Variants in NRCAM observed in about 807,000 individuals in gnomAD.
NRCAM encodes the protein neuronal cell adhesion molecule, also known as NgCAM-related cell adhesion molecule.
NRCAM carries 83 observed loss-of-function variants against 156.5 expected under a neutral mutation model. The ratio of observed to expected loss-of-function variants is 0.53; its 90% CI spans 0.44 to 0.64. The LOEUF is 0.64. Among genes scored for constraint, NRCAM ranks in the 30% least tolerant of loss-of-function variants. The probability of loss-of-function intolerance (pLI) is 0.00; values close to 1 mark genes in which losing one functional copy is unlikely to be tolerated. For missense variants in NRCAM, 1,417 were observed against 1,597.3 expected (o/e 0.89, Z 1.92); for synonymous variants, 538 against 563.9 (o/e 0.95, Z 0.65).
At chr7:108,443,919 CATACATACATAG>C (rs1563835732) in intron 1 of NRCAM, among the ~76,000 whole-genome samples, 1 of 122,908 alleles carries the variant, frequency 8.1e-6, no homozygotes. Flanking sequence ...TACATACATA[CATACATACATAG>C]ATACAGGTGT....
chr7:108,178,214 CA>C, intron 25 of NRCAM, 102 bp from the exon 26 acceptor site: 1 of 1,204,116 alleles, frequency 8.3e-7, no homozygotes, highest in Non-Finnish European at 1.2e-6. Flanking sequence ...TTTTGAGTTT[CA>C]GTAACTCATT....
At chr7:108,441,233 T>A (rs984753583) in intron 1 of NRCAM, among the ~76,000 whole-genome samples, 4 of 152,202 alleles carry the variant, frequency 2.6e-5, no homozygotes, top group Admixed American at 1.3e-4. Flanking sequence ...AAAAGTTATC[T>A]TACTATGTAA....
intron 1 of NRCAM, among the ~76,000 whole-genome samples, chr7:108,406,772 C>T (rs186367265): frequency 3.6e-4 from 55 of 152,288 alleles, no homozygotes; most frequent in African/African-American, 1.2e-3. Flanking sequence ...AGCAACTGAA[C>T]TTGTTCCAAC....
At chr7:108,193,674 T>C (rs1587593391) in intron 17 of NRCAM, among the ~76,000 whole-genome samples, 1 of 152,232 alleles carries the variant, frequency 6.6e-6, no homozygotes, top group Non-Finnish European at 1.5e-5. Context: ...AAAGAGGTCA[T>C]ATTTCTGCTT....
At chr7:108,399,951 G>A (rs1053034109) in intron 1 of NRCAM, among the ~76,000 whole-genome samples, 4 of 152,280 alleles carry the variant, frequency 2.6e-5, no homozygotes, top group African/African-American at 7.2e-5. Flanking sequence ...GGAATACACC[G>A]TGCTCTATAA....
intron 2 of NRCAM, among the ~76,000 whole-genome samples, chr7:108,397,232 G>C (rs2099779273): frequency 6.6e-6 from 1 of 152,182 alleles, no homozygotes; most frequent in Non-Finnish European, 1.5e-5. Flanking sequence ...GTATGAAAAA[G>C]TGACAGATTC....
chr7:108,172,983 A>AT (rs143144704), intron 28 of NRCAM, among the ~76,000 whole-genome samples: 155 of 118,764 alleles, frequency 1.3e-3, no homozygotes, highest in South Asian at 3.8e-3. Flanking sequence ...TGAGATGTTG[A>AT]TTTTTTTTTT....
Position 108,148,785 on chromosome 7 carries a change from A to G in NRCAM, c.*1125T>C, listed in dbSNP as rs550934607. 1.3e-5 allele frequency: 2 copies of G among 152,688 alleles called. No individual in the cohort carries two copies. Among genetic ancestry groups the G allele is most frequent in the East Asian group, 3.9e-4 (2 of 5,188 alleles). The allele number at this position is 152,688 out of a possible 1,614,324, so 9.5% of individuals were successfully genotyped here. On this transcript the variant is annotated 3_prime_UTR_variant, in exon 33 of 33. Coordinates refer to ENST00000379028, the MANE Select transcript of NRCAM (RefSeq NM_001037132.4). The stretch of plus-strand genomic sequence containing the variant: ...TTAGTTTTAAAATTAATTTTCTAGC[A>G]TGTTGACATCTTTCTTACTGAATGT...
intron 20 of NRCAM, among the ~76,000 whole-genome samples, chr7:108,185,771 T>C (rs3819746): frequency 0.073 from 10,840 of 149,382 alleles, 695 homozygotes; most frequent in African/African-American, 0.17. Context: ...GTTCCATACG[T>C]ACTGAAATGG....
chr7:108,333,727 T>C (rs2099149962), intron 2 of NRCAM, among the ~76,000 whole-genome samples: 1 of 152,222 alleles, frequency 6.6e-6, no homozygotes, highest in Admixed American at 6.5e-5. Flanking sequence ...TAAACACCTA[T>C]TGTTCATACA....
At chr7:108,381,804 G>T (rs1167590561) in intron 2 of NRCAM, among the ~76,000 whole-genome samples, 1 of 151,900 alleles carries the variant, frequency 6.6e-6, no homozygotes. Flanking sequence ...CAGGTGATCC[G>T]CCTGCCTCAG....
At chr7:108,381,825 T>C (rs1053734151) in intron 2 of NRCAM, among the ~76,000 whole-genome samples, 2 of 152,104 alleles carry the variant, frequency 1.3e-5, no homozygotes, top group African/African-American at 4.8e-5. Flanking sequence ...CCTCCAATAG[T>C]GCTGGGATTA....
At chr7:108,301,673 A>G (rs1348757935) in intron 3 of NRCAM, among the ~76,000 whole-genome samples, 1 of 150,352 alleles carries the variant, frequency 6.7e-6, no homozygotes, top group East Asian at 1.9e-4. Context: ...GCTATTTTTG[A>G]AAAAAATATG....
intron 2 of NRCAM, among the ~76,000 whole-genome samples, chr7:108,350,563 G>C (rs1266286709): frequency 2.0e-5 from 3 of 152,232 alleles, no homozygotes; most frequent in Admixed American, 6.5e-5. Context: ...GCTTGCAGTA[G>C]GATTGGTTAC....
rs1196702674 is a variant in NRCAM at position 108,239,885 on chromosome 7, G to T, written c.106+74C>A. 16 of 872,138 alleles carry T rather than the reference G, an allele frequency of 1.8e-5. No individual in the cohort carries two copies. The East Asian group carries it at 3.8e-4, about 20-fold the overall frequency. 54.0% of individuals were successfully genotyped at this position (872,138 alleles called of 1,614,324 possible). A position where few individuals can be genotyped will look rare whatever the true frequency, so the allele number is the denominator to read the frequency against. ...TCACACAGACACCTTCTCCATTCAC[G>T]CAGTTCAGAGTGATGATAAATGCTG... On this transcript the variant is annotated intron_variant, in intron 4 of 32. Coordinates refer to ENST00000379028, the MANE Select transcript of NRCAM (RefSeq NM_001037132.4).
At chr7:108,409,368 A>T (rs532345638) in intron 1 of NRCAM, among the ~76,000 whole-genome samples, 8 of 152,106 alleles carry the variant, frequency 5.3e-5, no homozygotes, top group Non-Finnish European at 8.8e-5. Context: ...TGCACCTCCC[A>T]CTCCTACGAA....
intron 3 of NRCAM, among the ~76,000 whole-genome samples, chr7:108,301,661 T>C (rs1469876057): frequency 2.0e-5 from 3 of 152,132 alleles, no homozygotes; most frequent in African/African-American, 7.2e-5. Flanking sequence ...TTAGATAATT[T>C]TGCTATTTTT....
At chr7:108,424,062 G>T (rs1024694734) in intron 1 of NRCAM, among the ~76,000 whole-genome samples, 38 of 152,156 alleles carry the variant, frequency 2.5e-4, no homozygotes, top group African/African-American at 8.9e-4. Flanking sequence ...TTGTTCTGAT[G>T]ATCAATCACA....
chr7:108,323,101 T>C (rs1393641522), intron 2 of NRCAM, among the ~76,000 whole-genome samples: 3 of 152,168 alleles, frequency 2.0e-5, no homozygotes, highest in Admixed American at 6.6e-5. Flanking sequence ...AATAAGGAAT[T>C]CAGGGGTTTT....
Sources: allele counts gnomAD v4.1 joint callset (sites outside exome capture counted in the v4.1 genomes callset), GRCh38; gene constraint gnomAD v4.1.1; transcripts MANE v1.5; gene names NCBI Gene and HGNC (gene_info 2026-07-23, HGNC 2026-07-21).